The following PRPH2 variants were observed in gnomAD, a reference collection of about 807,000 sequenced individuals.
PRPH2 encodes peripherin-2.
Under a neutral mutation model 31.3 loss-of-function variants are expected in PRPH2, and 17 were observed. The observed-to-expected ratio is 0.54, with a 90% CI of 0.37 to 0.81. PRPH2 has a LOEUF of 0.81. Ranked by LOEUF, PRPH2 falls within the 40% of genes least tolerant of loss-of-function variation. PRPH2 has a pLI of 0.00. For synonymous variants in PRPH2, 165 were observed against 184.4 expected (o/e 0.89, Z 0.85); for missense variants, 430 against 439.7 (o/e 0.98, Z 0.20).
At chr6:42,702,712 A>G (rs9394918) in intron 2 of PRPH2, among the ~76,000 whole-genome samples, 37,021 of 150,732 alleles carry the variant, frequency 0.25, 4,968 homozygotes, top group East Asian at 0.45. Flanking sequence ...TCTACTAAAA[A>G]TACAAAAACT....
intron 1 of PRPH2, among the ~76,000 whole-genome samples, chr6:42,715,822 G>A (rs753454354): frequency 7.2e-5 from 11 of 152,092 alleles, no homozygotes; most frequent in Non-Finnish European, 1.6e-4. Flanking sequence ...AAACCTGCCC[G>A]CCCCTCCATG....
chr6:42,700,983 CTTTCT>C (rs1253683183), intron 2 of PRPH2, among the ~76,000 whole-genome samples: 9 of 133,156 alleles, frequency 6.8e-5, no homozygotes, highest in African/African-American at 1.4e-4. Context: ...ACTGACTTTT[CTTTCT>C]TTTTTTTTTT....
intron 1 of PRPH2, among the ~76,000 whole-genome samples, chr6:42,705,597 A>ATATATATAT (rs1800144558): frequency 3.5e-4 from 1 of 2,820 alleles, no homozygotes; most frequent in Non-Finnish European, 7.5e-4. Context: ...AAAAAAAAAA[A>ATATATATAT]AAATATATAT....
intron 1 of PRPH2, among the ~76,000 whole-genome samples, chr6:42,708,141 G>A (rs914705141): frequency 6.6e-6 from 1 of 152,182 alleles, no homozygotes; most frequent in Non-Finnish European, 1.5e-5. Context: ...CTGACATCAG[G>A]TTGTAAGAAC....
chr6:42,716,260 CA>C (rs544179195), intron 1 of PRPH2, among the ~76,000 whole-genome samples: 1 of 151,080 alleles, frequency 6.6e-6, no homozygotes, highest in African/African-American at 2.4e-5. Context: ...AGAGGGGAAA[CA>C]AAAAAAAGGA....
rs1799991405 is a variant in PRPH2, at chr6:42,698,594, G to A, written c.829-87C>T. On this transcript the variant is annotated intron_variant, in intron 2 of 2. Transcript: ENST00000230381. ...GGAAACCACAGGAGCCTCAAATTGA[G>A]GGTCCCAGAGAGGACTCAACCTGAG... 1.9e-6 allele frequency: 3 copies of A among 1,565,416 alleles called. No individual in the cohort carries two copies. The African/African-American group carries it at 4.0e-5, about 21-fold the overall frequency.
intron 1 of PRPH2, among the ~76,000 whole-genome samples, chr6:42,720,244 T>A (rs1761874480): frequency 6.6e-6 from 1 of 152,124 alleles, no homozygotes; most frequent in South Asian, 2.1e-4. Context: ...GAGATTTGAA[T>A]ACATCTGTCC....
At chr6:42,707,929 C>T (rs1800197629) in intron 1 of PRPH2, among the ~76,000 whole-genome samples, 1 of 152,244 alleles carries the variant, frequency 6.6e-6, no homozygotes, top group Non-Finnish European at 1.5e-5. Flanking sequence ...CCAGCTCCAT[C>T]CCTCTGGACA....
intron 1 of PRPH2, among the ~76,000 whole-genome samples, chr6:42,713,025 G>C (rs1028187626): frequency 2.0e-5 from 3 of 151,850 alleles, no homozygotes; most frequent in African/African-American, 7.2e-5. Flanking sequence ...AGGAGTTCGA[G>C]ACCAGCCTGG....
intron 1 of PRPH2, among the ~76,000 whole-genome samples, chr6:42,708,485 C>T (rs145851758): frequency 6.6e-6 from 1 of 152,208 alleles, no homozygotes; most frequent in Non-Finnish European, 1.5e-5. Context: ...GCCTTCAGCT[C>T]GGGCCTCCCG....
chr6:42,706,122 C>T (rs1211986068), intron 1 of PRPH2, among the ~76,000 whole-genome samples: 1 of 151,464 alleles, frequency 6.6e-6, no homozygotes, highest in Non-Finnish European at 1.5e-5. Flanking sequence ...AATAAAAATA[C>T]AGGCCGGGCA....
At chr6:42,703,918 A>G (rs1216657084) in intron 2 of PRPH2, among the ~76,000 whole-genome samples, 1 of 152,052 alleles carries the variant, frequency 6.6e-6, no homozygotes, top group East Asian at 1.9e-4. Flanking sequence ...TGGCTAATGC[A>G]GTGAAAACCT....
chr6:42,711,450 G>A (rs1220746213), intron 1 of PRPH2, among the ~76,000 whole-genome samples: 2 of 152,028 alleles, frequency 1.3e-5, no homozygotes, highest in East Asian at 1.9e-4. Flanking sequence ...TCTGAGGGGG[G>A]AATGCAGCCC....
chr6:42,700,434 C>G (rs1410985294), intron 2 of PRPH2, among the ~76,000 whole-genome samples: 2 of 152,140 alleles, frequency 1.3e-5, no homozygotes, highest in African/African-American at 4.8e-5. Context: ...ACTCAGAATC[C>G]CAGCACCTAG....
In PRPH2 at chr6:42,704,362, T is replaced by A. The variant is rs281865373; in HGVS notation, c.828+3A>T. The A allele has an allele frequency of 1.2e-6, 2 of 1,607,640 alleles. No individual in the cohort carries two copies. The highest frequency in any genetic ancestry group is 1.7e-6 in the Non-Finnish European group (2 of 1,177,140). On this transcript the variant is annotated splice_donor_region_variant and intron_variant, in intron 2 of 2. Transcript: ENST00000230381. ...CTCTACCCCCAGCTGGCCCAGGGCC[T>A]ACCTCGAAGAGCCAAATGAGGAGCG...
chr6:42,721,599 T>G (rs1318370060), intron 1 of PRPH2, among the ~76,000 whole-genome samples, 155 bp downstream of exon 1: 1 of 152,172 alleles, frequency 6.6e-6, no homozygotes. Context: ...TTTCATATGG[T>G]TCCACCTGAT....
intron 1 of PRPH2, among the ~76,000 whole-genome samples, chr6:42,717,558 A>C (rs1442107992): frequency 6.6e-6 from 1 of 152,196 alleles, no homozygotes; most frequent in Non-Finnish European, 1.5e-5. Context: ...GTGATCTCAA[A>C]AAATAAATAA....
intron 2 of PRPH2, among the ~76,000 whole-genome samples, chr6:42,702,258 C>T (rs12209392): frequency 0.22 from 32,348 of 149,202 alleles, 3,510 homozygotes; most frequent in South Asian, 0.25. Context: ...AAAAAAAAGG[C>T]GGCTTCCTGG....
chr6:42,710,085 A>G (rs946932187), intron 1 of PRPH2, among the ~76,000 whole-genome samples: 1 of 152,100 alleles, frequency 6.6e-6, no homozygotes, highest in Non-Finnish European at 1.5e-5. Flanking sequence ...GCCCCCAGAC[A>G]AGTCACCCTA....
Sources: gnomAD v4.1 joint callset for allele counts (sites outside exome capture counted in the v4.1 genomes callset) on GRCh38, gnomAD v4.1.1 for gene constraint, MANE v1.5 for transcripts, NCBI Gene and HGNC (gene_info 2026-07-23, HGNC 2026-07-21) for gene names.